Variants in PITPNC1 observed in about 807,000 individuals in gnomAD.
PITPNC1 encodes the protein cytoplasmic phosphatidylinositol transfer protein 1.
Under a neutral mutation model 44.7 loss-of-function variants are expected in PITPNC1, and 18 were observed. The observed-to-expected ratio is 0.40, with a 90% CI of 0.28 to 0.60. PITPNC1 has a LOEUF of 0.60. Ranked by LOEUF, PITPNC1 falls within the 20% of genes least tolerant of loss-of-function variation. The pLI is 0.39. For synonymous variants in PITPNC1, 141 were observed against 149.6 expected, an observed-to-expected ratio of 0.94 and a Z score of 0.42; for missense variants, 290 against 418.4, an observed-to-expected ratio of 0.69 and a Z score of 2.68.
rs140154209 is a variant in PITPNC1 at position 67,610,268 on chromosome 17, C to T, written c.367-21875C>T. 1.2e-4 allele frequency among the ~76,000 whole-genome samples: 18 copies of T among 152,204 alleles called. 1 individual carries two copies. The highest frequency in any genetic ancestry group is 7.7e-4 in the East Asian group (4 of 5,174). ...AGGTGTTGTGTGCGCATGAAAGCACCGGAGGCACTATCTAGAACCTGCTGG... is the reference window on the plus strand; with the variant it reads ...AGGTGTTGTGTGCGCATGAAAGCACTGGAGGCACTATCTAGAACCTGCTGG... On this transcript the variant is annotated intron_variant, in intron 5 of 8. Transcript: ENST00000581322.
Position 67,599,016 on chromosome 17 carries a change from ATATATATATATATATATAT to A in PITPNC1, c.366+20761_366+20779del, listed in dbSNP as rs1353457999. Among the ~76,000 whole-genome samples the A allele has an allele frequency of 4.0e-3, 137 of 33,990 alleles. 3 individuals carry two copies. Among genetic ancestry groups the A allele is most frequent in the South Asian group, 4.6e-3 (4 of 872 alleles). The allele number at this position is 33,990 out of a possible 152,430, so 22.3% of individuals were successfully genotyped here. The stretch of plus-strand genomic sequence containing the variant: ...ATAAGAAATACATATATATATATAT[ATATATATATATATATATAT>A]TTTTTTTTTTTTTTTTTTTACCATG... On this transcript the variant is annotated intron_variant, in intron 5 of 8. Coordinates refer to ENST00000581322, the MANE Select transcript of PITPNC1 (RefSeq NM_012417.4).
At chr17:67,450,546 C>G (rs2039160861) in intron 1 of PITPNC1, among the ~76,000 whole-genome samples, 1 of 152,148 alleles carries the variant, frequency 6.6e-6, no homozygotes, top group Non-Finnish European at 1.5e-5. Flanking sequence ...CCACCTCAGC[C>G]TCTCGAGTAG....
intron 1 of PITPNC1, among the ~76,000 whole-genome samples, chr17:67,465,911 A>G (rs1015181621): frequency 1.3e-5 from 2 of 152,080 alleles, no homozygotes; most frequent in Middle Eastern, 3.4e-3. Context: ...GGGCGGGGGT[A>G]AATCTAAACT....
At chr17:67,579,665 G>A (rs891829144) in intron 5 of PITPNC1, among the ~76,000 whole-genome samples, 6 of 142,318 alleles carry the variant, frequency 4.2e-5, no homozygotes, top group South Asian at 2.2e-4. Context: ...CAGCCTGGGC[G>A]CGGTAGCTCA....
chr17:67,555,054 TC>T (rs1367056577), intron 4 of PITPNC1, among the ~76,000 whole-genome samples: 2 of 152,124 alleles, frequency 1.3e-5, no homozygotes, highest in African/African-American at 4.8e-5. Context: ...ATATAGTATT[TC>T]CCCCCGCAAT....
chr17:67,645,611 G>T (rs1251643398), intron 6 of PITPNC1, among the ~76,000 whole-genome samples: 1 of 152,134 alleles, frequency 6.6e-6, no homozygotes, highest in Non-Finnish European at 1.5e-5. Flanking sequence ...AGCAATGTAA[G>T]CCTGTAAGCC....
chr17:67,383,752 G>A (rs1371731832), intron 1 of PITPNC1, among the ~76,000 whole-genome samples: 12 of 152,138 alleles, frequency 7.9e-5, no homozygotes, highest in South Asian at 4.1e-4. Flanking sequence ...CTGTTTAACC[G>A]TTCTGGCCAG....
At chr17:67,532,550 A>G (rs1292305208) in intron 1 of PITPNC1, among the ~76,000 whole-genome samples, 1 of 152,072 alleles carries the variant, frequency 6.6e-6, no homozygotes, top group African/African-American at 2.4e-5. Flanking sequence ...AAGCTTACAG[A>G]CTGCCAGCCA....
chr17:67,621,993 TA>T (rs976534617), intron 5 of PITPNC1, among the ~76,000 whole-genome samples: 8 of 151,732 alleles, frequency 5.3e-5, no homozygotes, highest in Non-Finnish European at 8.8e-5. Flanking sequence ...ACCTAATATT[TA>T]AAAAAAGACT....
At chr17:67,384,131 T>C (rs1249806714) in intron 1 of PITPNC1, among the ~76,000 whole-genome samples, 4 of 152,184 alleles carry the variant, frequency 2.6e-5, no homozygotes, top group Non-Finnish European at 5.9e-5. Context: ...TGTATACTTT[T>C]AGGGATTGAT....
At chr17:67,581,851 G>T (rs1033609322) in intron 5 of PITPNC1, among the ~76,000 whole-genome samples, 1 of 152,110 alleles carries the variant, frequency 6.6e-6, no homozygotes, top group Non-Finnish European at 1.5e-5. Context: ...TGGCCAACAT[G>T]GCGAAACCTC....
chr17:67,673,020 G>A (rs1012416026), intron 7 of PITPNC1, among the ~76,000 whole-genome samples: 20 of 152,142 alleles, frequency 1.3e-4, no homozygotes, highest in African/African-American at 4.6e-4. Flanking sequence ...ATGCCTCGAT[G>A]CTGTTCTTTT....
At chr17:67,584,652 T>C (rs1384444942) in intron 5 of PITPNC1, among the ~76,000 whole-genome samples, 1 of 152,158 alleles carries the variant, frequency 6.6e-6, no homozygotes, top group Non-Finnish European at 1.5e-5. Context: ...ATAAGAGACA[T>C]GATTACTGTG....
At chr17:67,515,894 C>G (rs977448102) in intron 1 of PITPNC1, among the ~76,000 whole-genome samples, 4 of 152,206 alleles carry the variant, frequency 2.6e-5, no homozygotes, top group African/African-American at 9.7e-5. Flanking sequence ...CTCTCCCACC[C>G]ACGCATTTTG....
chr17:67,465,726 C>T (rs2039416929), intron 1 of PITPNC1, among the ~76,000 whole-genome samples: 1 of 152,118 alleles, frequency 6.6e-6, no homozygotes, highest in South Asian at 2.1e-4. Flanking sequence ...CCTAGTTCCC[C>T]TTGGGAAGCA....
At chr17:67,403,218 C>CAAAAAAAAAAAA (rs34768084) in intron 1 of PITPNC1, among the ~76,000 whole-genome samples, 837 of 68,910 alleles carry the variant, frequency 0.012, 139 homozygotes, top group African/African-American at 0.032. Context: ...CTCATCTCTA[C>CAAAAAAAAAAAA]AAAAAAAAAA....
At chr17:67,534,640 A>T (rs190006076) in intron 2 of PITPNC1, among the ~76,000 whole-genome samples, 1 of 151,128 alleles carries the variant, frequency 6.6e-6, no homozygotes, top group Non-Finnish European at 1.5e-5. Flanking sequence ...CCTTGTCTCA[A>T]AAAAAAAGAA....
rs879366971 is a variant in PITPNC1 at position 67,495,040 on chromosome 17, G to GTTTTTTTTTTTTTTTTTT, written c.49-37751_49-37750insTTTTTTTTTTTTTTTTTT. ...TTTGGCAATATTGAGCCATGGAGTT[G>GTTTTTTTTTTTTTTTTTT]TTTTTTTTTTTGTTTTTTTTTTTTT... On this transcript the variant is annotated intron_variant, in intron 1 of 8. Coordinates refer to ENST00000581322, the MANE Select transcript of PITPNC1 (RefSeq NM_012417.4). Among the ~76,000 whole-genome samples, 95 of 64,710 alleles carry GTTTTTTTTTTTTTTTTTT rather than the reference G, an allele frequency of 1.5e-3. 26 individuals are homozygous for GTTTTTTTTTTTTTTTTTT. The highest frequency in any genetic ancestry group is 2.0e-3 in the Non-Finnish European group (73 of 37,120). 42.5% of individuals were successfully genotyped at this position (64,710 alleles called of 152,430 possible). A position where few individuals can be genotyped will look rare whatever the true frequency, so the allele number is the denominator to read the frequency against.
At chr17:67,424,670 A>G (rs934555712) in intron 1 of PITPNC1, among the ~76,000 whole-genome samples, 5 of 152,016 alleles carry the variant, frequency 3.3e-5, no homozygotes, top group African/African-American at 1.2e-4. Flanking sequence ...AAAACAAACA[A>G]ACAAGCAAAT....
Sources: allele counts gnomAD v4.1 joint callset (sites outside exome capture counted in the v4.1 genomes callset), GRCh38; gene constraint gnomAD v4.1.1; transcripts MANE v1.5; gene names NCBI Gene and HGNC (gene_info 2026-07-23, HGNC 2026-07-21).